COL19A1: variants seen among roughly 807,000 people sequenced by gnomAD.
COL19A1 encodes the protein collagen alpha-1(XIX) chain.
A neutral mutation model predicts 190.2 loss-of-function variants in COL19A1; 159 were observed. The ratio of observed to expected loss-of-function variants is 0.84; its 90% CI spans 0.73 to 0.95. COL19A1 has a LOEUF of 0.95. COL19A1 is among the 40% of genes least tolerant of loss of function. The probability of loss-of-function intolerance (pLI) is 0.00; values close to 1 mark genes in which losing one functional copy is unlikely to be tolerated. For synonymous variants in COL19A1, 509 were observed against 458.9 expected, an observed-to-expected ratio of 1.11 and a Z score of -1.39; for missense variants, 1,418 against 1,431.9, an observed-to-expected ratio of 0.99 and a Z score of 0.16.
At chr6:69,999,993 T>A (rs1777156239) in intron 11 of COL19A1, among the ~76,000 whole-genome samples, 1 of 151,746 alleles carries the variant, frequency 6.6e-6, no homozygotes, top group Admixed American at 6.6e-5. Flanking sequence ...TACTGACACA[T>A]CCTTTAAGTT....
At chr6:69,916,006 A>G (rs2149992565) in intron 4 of COL19A1, among the ~76,000 whole-genome samples, 1 of 140,988 alleles carries the variant, frequency 7.1e-6, no homozygotes, top group African/African-American at 2.7e-5. Flanking sequence ...GCGCGATCTC[A>G]GCTCACTGCA....
chr6:70,094,250 A>G (rs1216753202), intron 15 of COL19A1, among the ~76,000 whole-genome samples: 1 of 152,244 alleles, frequency 6.6e-6, no homozygotes, highest in Non-Finnish European at 1.5e-5. Flanking sequence ...AAGTTAAAAA[A>G]GAAAACTAAA....
chr6:70,051,822 T>C (rs1280758754), intron 14 of COL19A1, among the ~76,000 whole-genome samples: 2 of 152,144 alleles, frequency 1.3e-5, no homozygotes, highest in African/African-American at 4.8e-5. Context: ...ATTAATATTA[T>C]CAATAGAGAC....
intron 2 of COL19A1, among the ~76,000 whole-genome samples, chr6:69,884,209 C>T (rs768760277): frequency 6.6e-5 from 10 of 151,912 alleles, no homozygotes; most frequent in African/African-American, 1.7e-4. Context: ...GTGGCAGGCA[C>T]CTATAATCCC....
At chr6:69,998,916 A>G (rs1299445053) in intron 11 of COL19A1, among the ~76,000 whole-genome samples, 2 of 151,970 alleles carry the variant, frequency 1.3e-5, no homozygotes, top group Non-Finnish European at 2.9e-5. Context: ...TTCACTTCTA[A>G]AATGTTAACA....
At chr6:70,164,963 G>A (rs889378784) in intron 36 of COL19A1, among the ~76,000 whole-genome samples, 2 of 152,182 alleles carry the variant, frequency 1.3e-5, no homozygotes, top group African/African-American at 4.8e-5. Flanking sequence ...ACAAAAAATG[G>A]CAGGGTATTG....
intron 16 of COL19A1, among the ~76,000 whole-genome samples, chr6:70,115,703 A>G (rs920160628): frequency 1.3e-5 from 2 of 152,098 alleles, no homozygotes; most frequent in Non-Finnish European, 2.9e-5. Flanking sequence ...TGAGGTCTCT[A>G]TATTGAAATG....
intron 48 of COL19A1, among the ~76,000 whole-genome samples, chr6:70,193,015 T>A (rs1386845238): frequency 1.3e-5 from 2 of 151,976 alleles, no homozygotes; most frequent in African/African-American, 4.8e-5. Flanking sequence ...AGGCTTTAGA[T>A]AAAATCATAT....
chr6:69,933,936 A>G (rs1772943962), intron 7 of COL19A1, among the ~76,000 whole-genome samples: 1 of 152,056 alleles, frequency 6.6e-6, no homozygotes, highest in Non-Finnish European at 1.5e-5. Flanking sequence ...GAGCATATGA[A>G]AAGTGCAAGT....
At chr6:69,883,587 T>C (rs764119219) in intron 2 of COL19A1, among the ~76,000 whole-genome samples, 2 of 152,256 alleles carry the variant, frequency 1.3e-5, no homozygotes, top group African/African-American at 2.4e-5. Context: ...AGACAAATTA[T>C]GTTTTCTTTC....
At chr6:70,052,731 G>A (rs772175048) in intron 14 of COL19A1, among the ~76,000 whole-genome samples, 8 of 152,102 alleles carry the variant, frequency 5.3e-5, no homozygotes, top group Non-Finnish European at 1.0e-4. Context: ...TGAATCCCCA[G>A]TAATGGATTA....
At chr6:70,096,448 G>A (rs1783280629) in intron 15 of COL19A1, among the ~76,000 whole-genome samples, 1 of 152,052 alleles carries the variant, frequency 6.6e-6, no homozygotes, top group South Asian at 2.1e-4. Flanking sequence ...CAGATTTGTT[G>A]ATAGTAGCCA....
rs914205322 is a variant in COL19A1, at chr6:70,137,740, G to C, written c.1439G>C (p.Gly480Ala). Reference protein sequence around the residue: ...PGSVGPKGQKGEPGEPFTKGE... With the variant: ...PGSVGPKGQKAEPGEPFTKGE... ...TCTGTTGGCCCTAAAGGACAAAAAG[G>C]AGAACCTGTAAGTATTTTAGCTTTG... Residue 480 changes from glycine to alanine, a missense_variant, in exon 19 of 51, where the codon GGA becomes GCA. Coordinates refer to ENST00000620364, the MANE Select transcript of COL19A1 (RefSeq NM_001858.6). The C allele has an allele frequency of 6.2e-7, 1 of 1,613,026 alleles. No individual in the cohort carries two copies. Among genetic ancestry groups the C allele is most frequent in the African/African-American group, 1.3e-5 (1 of 74,870 alleles).
At chr6:70,188,020 A>G in intron 46 of COL19A1, 55 bp from the exon 47 acceptor site, 1 of 1,596,776 alleles carries the variant, frequency 6.3e-7, no homozygotes. Context: ...TTTTGCTCTC[A>G]ACTACAGCTG....
chr6:70,028,343 G>A (rs997697476), intron 12 of COL19A1, among the ~76,000 whole-genome samples: 1 of 152,138 alleles, frequency 6.6e-6, no homozygotes, highest in African/African-American at 2.4e-5. Flanking sequence ...TTGTGGACAA[G>A]TTACAGAAAG....
At chr6:69,954,175 AT>A (rs1313744393) in intron 9 of COL19A1, among the ~76,000 whole-genome samples, 1 of 151,914 alleles carries the variant, frequency 6.6e-6, no homozygotes, top group Non-Finnish European at 1.5e-5. Flanking sequence ...CATTTTTTTC[AT>A]GAATTCTCCC....
At chr6:69,986,650 G>A (rs1776332309) in intron 11 of COL19A1, among the ~76,000 whole-genome samples, 1 of 151,998 alleles carries the variant, frequency 6.6e-6, no homozygotes, top group African/African-American at 2.4e-5. Context: ...CGAACTTCTG[G>A]GCATATATAC....
At chr6:70,055,540 G>T (rs1250071907) in intron 14 of COL19A1, among the ~76,000 whole-genome samples, 1 of 151,964 alleles carries the variant, frequency 6.6e-6, no homozygotes, top group Non-Finnish European at 1.5e-5. Flanking sequence ...CCAGCACCTT[G>T]GGGGGCTGAG....
intron 27 of COL19A1, among the ~76,000 whole-genome samples, chr6:70,148,038 G>T (rs1323309768): frequency 6.6e-6 from 1 of 152,054 alleles, no homozygotes; most frequent in Admixed American, 6.5e-5. Context: ...AGGAGCTTCA[G>T]TCCCCACGGA....
Sources: gnomAD v4.1 joint callset for allele counts (sites outside exome capture counted in the v4.1 genomes callset) on GRCh38, gnomAD v4.1.1 for gene constraint, MANE v1.5 for transcripts, NCBI Gene and HGNC (gene_info 2026-07-23, HGNC 2026-07-21) for gene names.